The following ZNF316 variants were observed in gnomAD, a reference collection of about 807,000 sequenced individuals.
The protein encoded by ZNF316 is zinc finger protein 316.
Under a neutral mutation model 75.6 loss-of-function variants are expected in ZNF316, and 23 were observed. That is an observed-to-expected ratio of 0.30 (90% CI 0.22 to 0.43). The LOEUF (loss-of-function observed/expected upper bound fraction) is 0.43, where lower values mean the gene tolerates loss of function less well. Among genes scored for constraint, ZNF316 ranks in the 20% least tolerant of loss-of-function variants. The pLI is 1.00. For missense variants in ZNF316, 1,266 were observed against 1,409.4 expected, an observed-to-expected ratio of 0.90 and a Z score of 1.63; for synonymous variants, 827 against 666.2, an observed-to-expected ratio of 1.24 and a Z score of -3.72.
In ZNF316 at chr7:6,657,984, G is replaced by A. The variant is rs1433483157; in HGVS notation, c.*3373G>A. ...AAAGTAGACACCCTTTATTGCCAAG[G>A]AGGAATTAAACCCTAGTGACTTGTG... is the stretch of plus-strand genomic sequence containing the variant. On this transcript the variant is annotated 3_prime_UTR_variant, in exon 9 of 9. Coordinates refer to ENST00000382252, the MANE Select transcript of ZNF316 (RefSeq NM_001278559.2). Among the ~76,000 whole-genome samples, 1 of 152,128 alleles carries A rather than the reference G, an allele frequency of 6.6e-6. No homozygotes were observed. Among genetic ancestry groups the A allele is most frequent in the Non-Finnish European group, 1.5e-5 (1 of 68,014 alleles).
intron 8 of ZNF316, among the ~76,000 whole-genome samples, chr7:6,645,302 T>A (rs896298549): frequency 6.6e-6 from 1 of 152,222 alleles, no homozygotes; most frequent in African/African-American, 2.4e-5. Flanking sequence ...CAGAGGCCCC[T>A]GCCCCACAGG....
chr7:6,654,602 C>T lies in ZNF316; in HGVS notation c.3006C>T (p.Gly1002=), dbSNP rs1314948147. The T allele has an allele frequency of 2.5e-6, 3 of 1,185,726 alleles. No individual in the cohort carries two copies. Among genetic ancestry groups the T allele is most frequent in the Non-Finnish European group, 3.1e-6 (3 of 958,370 alleles). The allele number at this position is 1,185,726 out of a possible 1,614,324, so 73.5% of individuals were successfully genotyped here. Residue 1002 remains glycine, a synonymous_variant, in exon 9 of 9, where the codon GGC becomes GGT. Coordinates refer to ENST00000382252, the MANE Select transcript of ZNF316 (RefSeq NM_001278559.2). ...FAGPSGAYRE[G]VL ...GGCCCTCGGGCGCCTACCGGGAGGG[C>T]GTCCTGTGAGGGGCCCGGGGCCGAC...
rs933719915 is a variant in ZNF316 at position 6,657,865 on chromosome 7, C to T, written c.*3254C>T. ...AAAAAAAAAAAAAAAAAAGGTTCCC[C>T]GATAGAACTTATAGTTGACTGTCCA... On this transcript the variant is annotated 3_prime_UTR_variant, in exon 9 of 9. Coordinates refer to ENST00000382252, the MANE Select transcript of ZNF316 (RefSeq NM_001278559.2). 6.7e-5 allele frequency among the ~76,000 whole-genome samples: 10 copies of T among 148,734 alleles called. No individual in the cohort carries two copies. The highest frequency in any genetic ancestry group is 2.5e-4 in the African/African-American group (10 of 40,484).
At chr7:6,638,752 T>C (rs986968914) in intron 2 of ZNF316, among the ~76,000 whole-genome samples, 1 of 152,142 alleles carries the variant, frequency 6.6e-6, no homozygotes, top group African/African-American at 2.4e-5. Context: ...GGGTTTGGGA[T>C]GACGTTGGTG....
Position 6,654,113 on chromosome 7 carries a change from C to T in ZNF316, c.2517C>T (p.Gly839=). ...KPHRCPDCGK[G]FGHSSDFKRH... ...ACCGCTGCCCCGACTGCGGCAAGGG[C>T]TTCGGCCACAGCTCGGACTTCAAGC... Residue 839 remains glycine (G), a synonymous_variant, in exon 9 of 9, where the codon GGC becomes GGT. Transcript: ENST00000382252. The T allele has an allele frequency of 8.2e-7, 1 of 1,220,464 alleles. No homozygotes were observed. The highest frequency in any genetic ancestry group is 1.0e-6 in the Non-Finnish European group (1 of 979,830). The allele number at this position is 1,220,464 out of a possible 1,614,324, so 75.6% of individuals were successfully genotyped here. A position where few individuals can be genotyped will look rare whatever the true frequency, so the allele number is the denominator to read the frequency against.
In ZNF316 at chr7:6,653,144, C is replaced by T; in HGVS notation, c.1548C>T (p.Gly516=). Reference sequence around the variant, plus strand: ...GCTGCGCGGAGGCGGGTGGTGACGGCCCCCGGCGGGAGCCCGGCGAGACGG... The same window carrying T: ...GCTGCGCGGAGGCGGGTGGTGACGGTCCCCGGCGGGAGCCCGGCGAGACGG... ...GGGCAEAGGD[G]PRREPGETAA... is the part of the protein sequence containing the mutation. The change falls in exon 9 of 9, where the codon GGC becomes GGT. Residue 516 remains glycine, a synonymous_variant. Coordinates refer to ENST00000382252, the MANE Select transcript of ZNF316 (RefSeq NM_001278559.2). 5 of 1,175,038 alleles carry T rather than the reference C, an allele frequency of 4.3e-6. No homozygotes were observed. Among genetic ancestry groups the T allele is most frequent in the Non-Finnish European group, 5.3e-6 (5 of 952,020 alleles). The allele number at this position is 1,175,038 out of a possible 1,614,324, so 72.8% of individuals were successfully genotyped here. A position where few individuals can be genotyped will look rare whatever the true frequency, so the allele number is the denominator to read the frequency against.
At chr7:6,649,004 C>G (rs1779458631) in intron 8 of ZNF316, among the ~76,000 whole-genome samples, 1 of 152,180 alleles carries the variant, frequency 6.6e-6, no homozygotes, top group African/African-American at 2.4e-5. Context: ...TTCCCTTGCA[C>G]CCAGCCTGCT....
intron 8 of ZNF316, among the ~76,000 whole-genome samples, chr7:6,648,500 G>A (rs1315118336): frequency 2.0e-5 from 3 of 152,324 alleles, no homozygotes; most frequent in African/African-American, 7.2e-5. Flanking sequence ...GACCCGGGGA[G>A]CAGTGGAGGT....
Position 6,653,564 on chromosome 7 carries a change from C to A in ZNF316, c.1968C>A (p.Gly656=). Residue 656 remains glycine, a synonymous_variant, in exon 9 of 9, where the codon GGC becomes GGA. Coordinates refer to ENST00000382252, the MANE Select transcript of ZNF316 (RefSeq NM_001278559.2). ...TGLACDPFGG[G]GAAGGGGGLR... is the part of the protein sequence containing the mutation. ...TGGCGTGCGACCCTTTCGGCGGCGG[C>A]GGGGCCGCGGGCGGCGGAGGCGGCC... The A allele has an allele frequency of 8.8e-7, 1 of 1,133,796 alleles. No individual in the cohort carries two copies. Among genetic ancestry groups the A allele is most frequent in the Non-Finnish European group, 1.1e-6 (1 of 925,040 alleles). The allele number at this position is 1,133,796 out of a possible 1,614,324, so 70.2% of individuals were successfully genotyped here.
rs958819477 is a variant in ZNF316 at position 6,653,375 on chromosome 7, C to T, written c.1779C>T (p.Ser593=). 3 of 1,226,524 alleles carry T rather than the reference C, an allele frequency of 2.4e-6. No individual in the cohort carries two copies. Among genetic ancestry groups the T allele is most frequent in the Non-Finnish European group, 2.0e-6 (2 of 985,098 alleles). 76.0% of individuals were successfully genotyped at this position (1,226,524 alleles called of 1,614,324 possible). Residue 593 remains serine, a synonymous_variant, in exon 9 of 9, where the codon TCC becomes TCT. Transcript: ENST00000382252. The part of the protein sequence containing the change: ...NGLGEGEGPS[S]HPLGFHFPVH... ...TGGGGGAGGGCGAAGGCCCCTCCTC[C>T]CACCCGCTGGGCTTCCACTTCCCCG...
chr7:6,654,714 C>A lies in ZNF316; in HGVS notation c.*103C>A. The A allele has an allele frequency of 3.0e-6, 3 of 1,016,000 alleles. No homozygotes were observed. The highest frequency in any genetic ancestry group is 3.7e-6 in the Non-Finnish European group (3 of 820,138). The allele number at this position is 1,016,000 out of a possible 1,614,324, so 62.9% of individuals were successfully genotyped here. ...GCCCCGGGAGGCTGAGGGTCCCAGT[C>A]CTGGGTGCGGTGCCTTCCCTCAGCC... On this transcript the variant is annotated 3_prime_UTR_variant, in exon 9 of 9. Transcript: ENST00000382252.
chr7:6,641,261 A>C (rs958897436), intron 3 of ZNF316, among the ~76,000 whole-genome samples: 12 of 152,204 alleles, frequency 7.9e-5, no homozygotes, highest in Admixed American at 7.9e-4. Flanking sequence ...CTGACATTCC[A>C]GGATGCTTCT....
intron 6 of ZNF316, 146 bp from the exon 7 acceptor site, chr7:6,643,676 G>T (rs1210726106): frequency 1.0e-5 from 7 of 682,272 alleles, no homozygotes; most frequent in South Asian, 8.2e-5. Flanking sequence ...GCTTTCCAGG[G>T]CTGTGGCAAG....
chr7:6,643,281 T>C (rs1027676798), intron 6 of ZNF316, among the ~76,000 whole-genome samples: 2 of 152,098 alleles, frequency 1.3e-5, no homozygotes, highest in African/African-American at 4.8e-5. Flanking sequence ...TTCCTGGGCG[T>C]TGGGTTGTCC....
At chr7:6,650,185 C>T (rs1184293278) in intron 8 of ZNF316, among the ~76,000 whole-genome samples, 1 of 152,214 alleles carries the variant, frequency 6.6e-6, no homozygotes, top group Non-Finnish European at 1.5e-5. Context: ...GCCTCCCTAT[C>T]CTGTAGGGTT....
At position 6,643,067 on chromosome 7, in the gene ZNF316, G is replaced by T. The variant is rs2115308915; in HGVS notation, c.459G>T (p.Gly153=). Residue 153 remains glycine (G), a synonymous_variant, in exon 6 of 9, where the codon GGG becomes GGT. Transcript: ENST00000382252. The part of the protein sequence containing the change: ...DEDEDDLLTA[G]CQELVTFEDV... The stretch of plus-strand genomic sequence containing the variant: ...ACGAGGATGATTTGCTGACGGCTGG[G>T]TGTCAGGTGAGCCGCCCTCTCCGTT... The T allele has an allele frequency of 1.6e-6, 2 of 1,235,794 alleles. No individual in the cohort carries two copies. Among genetic ancestry groups the T allele is most frequent in the Non-Finnish European group, 2.0e-6 (2 of 990,174 alleles). The allele number at this position is 1,235,794 out of a possible 1,614,324, so 76.6% of individuals were successfully genotyped here.
In ZNF316 at chr7:6,642,920, C is replaced by A; in HGVS notation, c.356-44C>A. 1.6e-6 allele frequency: 2 copies of A among 1,232,434 alleles called. No homozygotes were observed. The highest frequency in any genetic ancestry group is 1.0e-6 in the Non-Finnish European group (1 of 988,260). 76.3% of individuals were successfully genotyped at this position (1,232,434 alleles called of 1,614,324 possible). On this transcript the variant is annotated intron_variant, in intron 5 of 8. Transcript: ENST00000382252. The surrounding 1 kb of genome is among the most constrained non-coding windows in gnomAD (Gnocchi z 8.1). ...TTGCCAGGGCTCCTGGCCCTGCAGG[C>A]TGGGGGCTCAGGGCAGCTGGCCCTA... is the stretch of plus-strand genomic sequence containing the variant.
intron 8 of ZNF316, among the ~76,000 whole-genome samples, chr7:6,645,555 G>C (rs1259874468): frequency 1.3e-5 from 2 of 151,792 alleles, no homozygotes; most frequent in Non-Finnish European, 2.9e-5. Context: ...GTGGTGGCGT[G>C]TGCCTGTAGT....
chr7:6,654,820 C>A lies in ZNF316; in HGVS notation c.*209C>A. On this transcript the variant is annotated 3_prime_UTR_variant, in exon 9 of 9. Coordinates refer to ENST00000382252, the MANE Select transcript of ZNF316 (RefSeq NM_001278559.2). The stretch of plus-strand genomic sequence containing the variant: ...CGTGGGGGAGCTCTGGGGAGAAGAG[C>A]AGCGCGGAGGCAGCGAGGCCAGGAC... The A allele has an allele frequency of 2.8e-6, 1 of 354,920 alleles. No homozygotes were observed. Among genetic ancestry groups the A allele is most frequent in the East Asian group, 5.7e-5 (1 of 17,528 alleles). The allele number at this position is 354,920 out of a possible 1,614,324, so 22.0% of individuals were successfully genotyped here. A position where few individuals can be genotyped will look rare whatever the true frequency, so the allele number is the denominator to read the frequency against.
Sources: gnomAD v4.1 joint callset for allele counts (sites outside exome capture counted in the v4.1 genomes callset) on GRCh38, gnomAD v4.1.1 for gene constraint, Gnocchi (gnomAD v3.1) non-coding constraint, MANE v1.5 for transcripts, NCBI Gene and HGNC (gene_info 2026-07-23, HGNC 2026-07-21) for gene names.